NRXN1: variants seen among roughly 807,000 people sequenced by gnomAD.
NRXN1 encodes neurexin 1, also known as neurexin-1.
Under a neutral mutation model 150.9 loss-of-function variants are expected in NRXN1, and 39 were observed. The observed-to-expected ratio is 0.26, with a 90% CI of 0.20 to 0.34. The LOEUF (loss-of-function observed/expected upper bound fraction) is 0.34, where lower values mean the gene tolerates loss of function less well. Among genes scored for constraint, NRXN1 ranks in the 10% least tolerant of loss-of-function variants. NRXN1 has a pLI of 1.00. For missense variants in NRXN1, 1,815 were observed against 1,949.9 expected, an observed-to-expected ratio of 0.93 and a Z score of 1.30; for synonymous variants, 924 against 757.0, an observed-to-expected ratio of 1.22 and a Z score of -3.62.
chr2:50,367,634 T>G (rs2153016124), intron 17 of NRXN1, among the ~76,000 whole-genome samples: 1 of 152,084 alleles, frequency 6.6e-6, no homozygotes, highest in East Asian at 1.9e-4. Context: ...CATCCTCTCT[T>G]GAAGTCCATG....
rs112223189 is a variant in NRXN1, at chr2:49,996,489, T to A, written c.4129-52698A>T. 5.1e-3 allele frequency among the ~76,000 whole-genome samples: 782 copies of A among 152,324 alleles called. 8 individuals are homozygous for A. Among genetic ancestry groups the A allele is most frequent in the African/African-American group, 0.018 (753 of 41,576 alleles). The stretch of plus-strand genomic sequence containing the variant: ...CTCTGGAATTTTTAAATAAGTTAAC[T>A]GACATGGCAAAGTCTTTGTAGGTAT... On this transcript the variant is annotated intron_variant, in intron 21 of 22. Coordinates refer to ENST00000401669, the MANE Select transcript of NRXN1 (RefSeq NM_001330078.2).
intron 18 of NRXN1, among the ~76,000 whole-genome samples, chr2:50,206,228 TACACACACACACACACAC>T (rs66795755): frequency 9.4e-6 from 1 of 106,292 alleles, no homozygotes; most frequent in Non-Finnish European, 2.4e-5. Context: ...TACACACAAA[TACACACACACACACACAC>T]ACACACACAC....
intron 5 of NRXN1, among the ~76,000 whole-genome samples, chr2:50,839,443 C>G (rs1672562695): frequency 6.6e-6 from 1 of 152,008 alleles, no homozygotes; most frequent in Admixed American, 6.6e-5. Flanking sequence ...TTGTAACCTC[C>G]CCTAAGGTAT....
intron 17 of NRXN1, among the ~76,000 whole-genome samples, chr2:50,389,279 A>T (rs2081531232): frequency 6.7e-6 from 1 of 149,986 alleles, no homozygotes; most frequent in African/African-American, 2.5e-5. Flanking sequence ...TGACATGTCC[A>T]ATGTATCTAG....
intron 17 of NRXN1, among the ~76,000 whole-genome samples, chr2:50,391,332 T>C (rs2081676451): frequency 6.6e-6 from 1 of 151,718 alleles, no homozygotes; most frequent in African/African-American, 2.4e-5. Flanking sequence ...GGAAGGGGAA[T>C]TGAAAAAAAA....
rs1019054982 is a variant in NRXN1 at position 50,439,125 on chromosome 2, T to C, written c.3364+26317A>G. ...GTGGCTCTCTTGTCCTGCCAAAAGA[T>C]TGAGATCAGACATGGTGACTACAAT... On this transcript the variant is annotated intron_variant, in intron 17 of 22. Coordinates refer to ENST00000401669, the MANE Select transcript of NRXN1 (RefSeq NM_001330078.2). Among the ~76,000 whole-genome samples, 5 of 152,142 alleles carry C rather than the reference T, an allele frequency of 3.3e-5. No individual in the cohort carries two copies. In the East Asian group the frequency reaches 5.8e-4, roughly 18 times the overall value.
In NRXN1 at chr2:50,880,381, C is replaced by T. The variant is rs180871677; in HGVS notation, c.832+41488G>A. ...TTCTTGCTTGTCAAGTTAATTAAAC[C>T]TCAGAAAATAAAGGTATTTTGTAGA... On this transcript the variant is annotated intron_variant, in intron 5 of 22. Coordinates refer to ENST00000401669, the MANE Select transcript of NRXN1 (RefSeq NM_001330078.2). 2.5e-3 allele frequency among the ~76,000 whole-genome samples: 373 copies of T among 151,948 alleles called. 1 individual carries two copies. The highest frequency in any genetic ancestry group is 3.6e-3 in the Non-Finnish European group (243 of 67,918).
At chr2:50,006,815 C>T (rs1684846076) in intron 21 of NRXN1, among the ~76,000 whole-genome samples, 1 of 152,078 alleles carries the variant, frequency 6.6e-6, no homozygotes, top group South Asian at 2.1e-4. Context: ...AGGGATAAAT[C>T]ATGTTTTGTT....
intron 17 of NRXN1, among the ~76,000 whole-genome samples, chr2:50,420,015 A>C (rs1427817948): frequency 6.6e-6 from 1 of 152,102 alleles, no homozygotes; most frequent in African/African-American, 2.4e-5. Flanking sequence ...ATTAAAGAGA[A>C]TGAGACAGCA....
At chr2:50,806,446 A>C (rs867721654) in intron 5 of NRXN1, among the ~76,000 whole-genome samples, 1 of 152,086 alleles carries the variant, frequency 6.6e-6, no homozygotes, top group Non-Finnish European at 1.5e-5. Context: ...TTTATGATTC[A>C]TTTGTCGTAT....
chr2:50,366,073 C>G (rs1303001653), intron 17 of NRXN1, among the ~76,000 whole-genome samples: 1 of 150,710 alleles, frequency 6.6e-6, no homozygotes, highest in African/African-American at 2.4e-5. Context: ...ACATAAATTC[C>G]TTAATCCAAT....
At chr2:50,306,444 C>T (rs1412027663) in intron 17 of NRXN1, among the ~76,000 whole-genome samples, 1 of 152,140 alleles carries the variant, frequency 6.6e-6, no homozygotes, top group Non-Finnish European at 1.5e-5. Context: ...TTAGCAAACA[C>T]TCAGTTCAAA....
chr2:50,265,156 A>G (rs1220903653), intron 17 of NRXN1, among the ~76,000 whole-genome samples: 1 of 152,106 alleles, frequency 6.6e-6, no homozygotes, highest in Non-Finnish European at 1.5e-5. Flanking sequence ...GGGACTTTTC[A>G]TAGAGATAGG....
chr2:50,293,278 GATCAACATGCCCAT>G (rs2073162506), intron 17 of NRXN1, among the ~76,000 whole-genome samples: 1 of 151,914 alleles, frequency 6.6e-6, no homozygotes, highest in Non-Finnish European at 1.5e-5. Flanking sequence ...GACCACTTCT[GATCAACATGCCCAT>G]ATAGTTATAT....
intron 5 of NRXN1, among the ~76,000 whole-genome samples, chr2:50,704,554 C>G (rs554926643): frequency 6.6e-6 from 1 of 150,638 alleles, no homozygotes; most frequent in East Asian, 1.9e-4. Flanking sequence ...TAAGAAAGAT[C>G]TTAAAATGTT....
At chr2:50,248,177 C>A (rs968303283) in intron 17 of NRXN1, among the ~76,000 whole-genome samples, 1 of 151,882 alleles carries the variant, frequency 6.6e-6, no homozygotes, top group South Asian at 2.1e-4. Flanking sequence ...CCATACTTGG[C>A]GAATTTTTTA....
chr2:50,867,772 T>C (rs1677147761), intron 5 of NRXN1, among the ~76,000 whole-genome samples: 1 of 151,786 alleles, frequency 6.6e-6, no homozygotes, highest in Admixed American at 6.6e-5. Flanking sequence ...GACATGGGAG[T>C]TACTACTCTT....
intron 12 of NRXN1, chr2:50,506,941 A>T (rs1025878236): frequency 3.1e-5 from 7 of 224,370 alleles, no homozygotes; most frequent in Middle Eastern, 1.5e-3. Context: ...GGCACAGTCA[A>T]TACAGCACTG....
In NRXN1 at chr2:50,746,659, A is replaced by G. The variant is rs560566011; in HGVS notation, c.833-123044T>C. On this transcript the variant is annotated intron_variant, in intron 5 of 22. Transcript: ENST00000401669. The stretch of plus-strand genomic sequence containing the variant: ...CACATTTGAAACACAATCCACTCAG[A>G]GACTGGGGGCTGCTTTTCCCTTTCT... Among the ~76,000 whole-genome samples, 11 of 152,286 alleles carry G rather than the reference A, an allele frequency of 7.2e-5. 1 individual carries two copies. Among genetic ancestry groups the G allele is most frequent in the African/African-American group, 2.4e-4 (10 of 41,570 alleles).
Sources: allele counts gnomAD v4.1 joint callset (sites outside exome capture counted in the v4.1 genomes callset), GRCh38; gene constraint gnomAD v4.1.1; transcripts MANE v1.5; gene names NCBI Gene and HGNC (gene_info 2026-07-23, HGNC 2026-07-21).